The following CHAF1A variants were observed in gnomAD, a reference collection of about 807,000 sequenced individuals.
CHAF1A encodes the protein chromatin assembly factor 1 subunit A, also known as CAF-1 subunit A.
Under a neutral mutation model 93.2 loss-of-function variants are expected in CHAF1A, and 5 were observed. That is an observed-to-expected ratio of 0.05 (90% CI 0.03 to 0.11). CHAF1A has a LOEUF of 0.11. CHAF1A is among the 10% of genes least tolerant of loss of function. The pLI, the probability that CHAF1A is intolerant of heterozygous loss-of-function variation, is 1.00. For missense variants in CHAF1A, 1,102 were observed against 1,259.9 expected, an observed-to-expected ratio of 0.87 and a Z score of 1.90; for synonymous variants, 504 against 510.3, an observed-to-expected ratio of 0.99 and a Z score of 0.17.
At chr19:4,447,891 C>G (rs1001597251), downstream of CHAF1A, 2 of 525,468 alleles carry the variant, frequency 3.8e-6, no homozygotes, top group Non-Finnish European at 6.9e-6. Flanking sequence ...TTAACCACAG[C>G]GGTGGGGAAG....
chr19:4,420,109 G>A (rs757675076), intron 4 of CHAF1A, among the ~76,000 whole-genome samples: 2 of 152,144 alleles, frequency 1.3e-5, no homozygotes, highest in Non-Finnish European at 2.9e-5. Context: ...TTTTTCCTTA[G>A]AGACAAGGGC....
At chr19:4,409,788 A>T (rs771133258) in intron 3 of CHAF1A, 29 bp downstream of exon 3, 4 of 1,573,394 alleles carry the variant, frequency 2.5e-6, no homozygotes, top group African/African-American at 1.3e-5. Flanking sequence ...GTCCCTGCAC[A>T]TCAGTGCTCA....
downstream of CHAF1A, chr19:4,449,134 C>A (rs1376735659): frequency 1.3e-5 from 2 of 152,754 alleles, no homozygotes; most frequent in East Asian, 1.9e-4. Context: ...TACCCTAAGA[C>A]CTGGAAAAGA....
rs1188099594 is a variant in CHAF1A, at chr19:4,433,880, G to A, written c.2673+341G>A. Among the ~76,000 whole-genome samples the A allele has an allele frequency of 5.9e-5, 9 of 152,060 alleles. No homozygotes were observed. Among genetic ancestry groups the A allele is most frequent in the African/African-American group, 1.7e-4 (7 of 41,434 alleles). On this transcript the variant is annotated intron_variant, in intron 13 of 14. Coordinates refer to ENST00000301280, the MANE Select transcript of CHAF1A (RefSeq NM_005483.3). The surrounding 1 kb of genome is among the most constrained non-coding windows in gnomAD (Gnocchi z 5.6). Reference sequence around the variant, plus strand: ...CTCCCAAAGTGCTGGGATTACAGGCGTGAGCCACCTCGCCTGGTGTTTTTG... The same window carrying A: ...CTCCCAAAGTGCTGGGATTACAGGCATGAGCCACCTCGCCTGGTGTTTTTG...
At chr19:4,439,797 CT>C (rs1974353263) in intron 13 of CHAF1A, among the ~76,000 whole-genome samples, 2 of 152,240 alleles carry the variant, frequency 1.3e-5, no homozygotes, top group Admixed American at 1.3e-4. Flanking sequence ...AATCCCAGCA[CT>C]TTGGGAGGCT....
rs559619608 is a variant in CHAF1A at position 4,435,476 on chromosome 19, C to T, written c.2673+1937C>T. Among the ~76,000 whole-genome samples, 20 of 151,980 alleles carry T rather than the reference C, an allele frequency of 1.3e-4. No homozygotes were observed. The South Asian group carries it at 4.2e-3, about 32-fold the overall frequency. Reference sequence around the variant, plus strand: ...CAGCCTTGACCTCCCCAGGCTCAGGCGATCCTCCCACCTTAGCCTCCTCAG... The same window carrying T: ...CAGCCTTGACCTCCCCAGGCTCAGGTGATCCTCCCACCTTAGCCTCCTCAG... On this transcript the variant is annotated intron_variant, in intron 13 of 14. Transcript: ENST00000301280.
At chr19:4,424,151 T>C (rs555287663) in intron 7 of CHAF1A, among the ~76,000 whole-genome samples, 23 of 152,202 alleles carry the variant, frequency 1.5e-4, no homozygotes, top group Non-Finnish European at 2.8e-4. Context: ...AAATTCACCA[T>C]GTTTTTACCC....
chr19:4,407,705 T>C (rs1973705712), intron 2 of CHAF1A, among the ~76,000 whole-genome samples: 1 of 152,074 alleles, frequency 6.6e-6, no homozygotes, highest in Admixed American at 6.6e-5. Flanking sequence ...CCCAGCACCT[T>C]GGGAGGTGGA....
At chr19:4,434,084 C>T (rs548531898) in intron 13 of CHAF1A, among the ~76,000 whole-genome samples, 1 of 152,012 alleles carries the variant, frequency 6.6e-6, no homozygotes, top group Admixed American at 6.6e-5. Context: ...CTGTGGCTCA[C>T]GCCTGTAGTC....
At chr19:4,413,507 C>T (rs759943257) in intron 3 of CHAF1A, among the ~76,000 whole-genome samples, 22 of 152,138 alleles carry the variant, frequency 1.4e-4, no homozygotes, top group African/African-American at 5.1e-4. Context: ...ATTGCAGGGG[C>T]GAGCTGGTGG....
chr19:4,414,640 C>T (rs916879636), intron 3 of CHAF1A, among the ~76,000 whole-genome samples: 2 of 152,124 alleles, frequency 1.3e-5, no homozygotes, highest in Non-Finnish European at 2.9e-5. Flanking sequence ...AAAGATGGAG[C>T]TCTTTTTAAC....
At chr19:4,442,860 G>A in intron 14 of CHAF1A, 65 bp from the exon 15 acceptor site, 1 of 1,235,576 alleles carries the variant, frequency 8.1e-7, no homozygotes, top group Non-Finnish European at 1.1e-6. Context: ...CAGCAGGGTG[G>A]GGTCTTCCCC....
At chr19:4,445,667 C>T (rs576835241), downstream of CHAF1A, 54 of 1,589,090 alleles carry the variant, frequency 3.4e-5, no homozygotes, top group African/African-American at 4.3e-4. Flanking sequence ...AGAGTCGGCC[C>T]TTGCCGCGGC....
downstream of CHAF1A, chr19:4,448,666 C>G (rs889403194): frequency 1.9e-6 from 1 of 538,596 alleles, no homozygotes; most frequent in Non-Finnish European, 3.4e-6. Context: ...AAGGCTAGAT[C>G]CATGGGACTT....
Position 4,414,397 on chromosome 19 carries a change from A to AG in CHAF1A, c.961-3623_961-3622insG, listed in dbSNP as rs33934355. On this transcript the variant is annotated intron_variant, in intron 3 of 14. Transcript: ENST00000301280. The stretch of plus-strand genomic sequence containing the variant: ...GCCTGGGCAACAGCCAGACCGTCTC[A>AG]AAAAAAAAAAAAAACAAAAAGGAAA... 1.9e-4 allele frequency among the ~76,000 whole-genome samples: 12 copies of AG among 62,836 alleles called. No homozygotes were observed. In the East Asian group the frequency reaches 0.016, roughly 85 times the overall value. The allele number at this position is 62,836 out of a possible 152,430, so 41.2% of individuals were successfully genotyped here. A position where few individuals can be genotyped will look rare whatever the true frequency, so the allele number is the denominator to read the frequency against.
At position 4,423,914 on chromosome 19, in the gene CHAF1A, G is replaced by A. The variant is rs369076699; in HGVS notation, c.1377+40G>A. On this transcript the variant is annotated intron_variant, in intron 7 of 14. Coordinates refer to ENST00000301280, the MANE Select transcript of CHAF1A (RefSeq NM_005483.3). ...GCCTTTGCTTTTGGGTTTCAGCTCT[G>A]CTAGACTTTTCCTTTCTGAAAGTGA... 1.6e-5 allele frequency: 25 copies of A among 1,580,966 alleles called. No homozygotes were observed. The African/African-American group carries it at 3.4e-4, about 21-fold the overall frequency.
chr19:4,422,182 A>T lies in CHAF1A; in HGVS notation c.1018-384A>T, dbSNP rs541189518. On this transcript the variant is annotated intron_variant, in intron 4 of 14. Transcript: ENST00000301280. The surrounding 1 kb of genome is among the most constrained non-coding windows in gnomAD (Gnocchi z 4.6). ...CCACCATGCCTGGCTAGTTTTTTTT[A>T]AAAATATTTTTAGTAGAGATGGGGT... Among the ~76,000 whole-genome samples the T allele has an allele frequency of 3.6e-3, 552 of 151,714 alleles. 5 individuals carry two copies. The highest frequency in any genetic ancestry group is 0.012 in the African/African-American group (509 of 41,344).
At chr19:4,446,497 C>T (rs1427137283), downstream of CHAF1A, 12 of 1,605,794 alleles carry the variant, frequency 7.5e-6, no homozygotes, top group South Asian at 1.1e-5. Context: ...ACGTCAGGCC[C>T]ACCTGAGCCT....
At chr19:4,405,471 G>A (rs1313878951) in intron 1 of CHAF1A, among the ~76,000 whole-genome samples, 1 of 152,074 alleles carries the variant, frequency 6.6e-6, no homozygotes, top group Non-Finnish European at 1.5e-5. Context: ...AGCCGAGAGT[G>A]GTGGCATGCG....
Sources: allele counts gnomAD v4.1 joint callset (sites outside exome capture counted in the v4.1 genomes callset), GRCh38; gene constraint gnomAD v4.1.1; non-coding constraint Gnocchi (gnomAD v3.1); transcripts MANE v1.5; gene names NCBI Gene and HGNC (gene_info 2026-07-23, HGNC 2026-07-21).